The following RUFY2 variants were observed in gnomAD, a reference collection of about 807,000 sequenced individuals.
RUFY2 encodes the protein RUN and FYVE domain-containing protein 2.
Under a neutral mutation model 94.4 loss-of-function variants are expected in RUFY2, and 49 were observed. That is an observed-to-expected ratio of 0.52 (90% CI 0.41 to 0.66). RUFY2 has a LOEUF of 0.66. RUFY2 is among the 30% of genes least tolerant of loss of function. The pLI, the probability that RUFY2 is intolerant of heterozygous loss-of-function variation, is 0.00. For synonymous variants in RUFY2, 255 were observed against 235.7 expected, an observed-to-expected ratio of 1.08 and a Z score of -0.75; for missense variants, 541 against 692.8, an observed-to-expected ratio of 0.78 and a Z score of 2.46.
rs539207975 is a variant in RUFY2 at position 68,344,626 on chromosome 10, G to A, written c.*1142C>T. 47 of 152,784 alleles carry A rather than the reference G, an allele frequency of 3.1e-4. No homozygotes were observed. Among genetic ancestry groups the A allele is most frequent in the African/African-American group, 1.1e-3 (47 of 41,568 alleles). The allele number at this position is 152,784 out of a possible 1,614,324, so 9.5% of individuals were successfully genotyped here. On this transcript the variant is annotated 3_prime_UTR_variant, in exon 18 of 18. Transcript: ENST00000602465. Reference sequence around the variant, plus strand: ...GAGGCAGGAGAATTGCTTGAACCCAGGAGGTGGAGATCGTGCCATTGCACT... The same window carrying A: ...GAGGCAGGAGAATTGCTTGAACCCAAGAGGTGGAGATCGTGCCATTGCACT...
Position 68,381,262 on chromosome 10 carries a change from T to G in RUFY2, c.1077A>C (p.Ala359=). Residue 359 remains alanine, a synonymous_variant, in exon 11 of 18, where the codon GCA becomes GCC. Transcript: ENST00000602465. ...ACTTTTGATACATCTCTATGTTAAT[T>G]GCTTTAACTTCCTCTAGTTGTTGTC... ...GLRQQLEEVK[A]INIEMYQKLQ... 6.2e-7 allele frequency: 1 copy of G among 1,612,952 alleles called. No homozygotes were observed. The highest frequency in any genetic ancestry group is 8.5e-7 in the Non-Finnish European group (1 of 1,179,632).
At position 68,407,186 on chromosome 10, in the gene RUFY2, C is replaced by T. The variant is rs1289119719; in HGVS notation, c.4G>A (p.Ala2Thr). The T allele has an allele frequency of 1.4e-6, 2 of 1,431,390 alleles. No individual in the cohort carries two copies. The highest frequency in any genetic ancestry group is 1.8e-6 in the Non-Finnish European group (2 of 1,106,248). The allele number at this position is 1,431,390 out of a possible 1,614,324, so 88.7% of individuals were successfully genotyped here. A position where few individuals can be genotyped will look rare whatever the true frequency, so the allele number is the denominator to read the frequency against. The change falls in exon 1 of 18, where the codon GCT becomes ACT. Residue 2 changes from alanine to threonine, a missense_variant and splice_region_variant. By Grantham distance (58) the Ala-to-Thr change is moderately conservative (BLOSUM62 0). Around this residue, in one of 3 missense-constraint regions of RUFY2, gnomAD observed 53 missense variants for 58.6 expected, o/e 0.90. Transcript: ENST00000602465. ...TTCGGTTTCGGCCCGCTCGCCTTACCCATGGCGGCGGCGGCTGCGCGGTCT... is the reference window on the plus strand; with the variant it reads ...TTCGGTTTCGGCCCGCTCGCCTTACTCATGGCGGCGGCGGCTGCGCGGTCT... M[A>T]TKDPTAVERA... is the part of the protein sequence containing the mutation.
intron 9 of RUFY2, 36 bp downstream of exon 9, chr10:68,384,015 C>T (rs2049292036): frequency 1.9e-6 from 3 of 1,591,458 alleles, no homozygotes. Context: ...TAATTTCTGA[C>T]ACGAGATTGT....
chr10:68,397,530 G>GCC (rs2050477439), intron 3 of RUFY2, among the ~76,000 whole-genome samples: 1 of 151,010 alleles, frequency 6.6e-6, no homozygotes, highest in African/African-American at 2.4e-5. Flanking sequence ...AGGAGTTAGA[G>GCC]AACAGCCTGG....
chr10:68,366,111 G>C (rs949016618), intron 13 of RUFY2, among the ~76,000 whole-genome samples: 2 of 152,036 alleles, frequency 1.3e-5, no homozygotes, highest in African/African-American at 4.8e-5. Flanking sequence ...CAGATCTCTT[G>C]AGGCCAAGAG....
chr10:68,347,278 C>CTTTTT (rs66465620), intron 16 of RUFY2, among the ~76,000 whole-genome samples: 1 of 86,506 alleles, frequency 1.2e-5, no homozygotes, highest in African/African-American at 4.3e-5. Flanking sequence ...CAACTTGACC[C>CTTTTT]TTTTTTTTTT....
intron 3 of RUFY2, among the ~76,000 whole-genome samples, chr10:68,400,761 C>T (rs1350370932): frequency 1.3e-5 from 2 of 151,734 alleles, no homozygotes; most frequent in African/African-American, 4.8e-5. Context: ...GCCTGTAATC[C>T]CAGCACTTTA....
At position 68,371,223 on chromosome 10, in the gene RUFY2, C is replaced by T. The variant is rs562919459; in HGVS notation, c.1325+5630G>A. Among the ~76,000 whole-genome samples the T allele has an allele frequency of 1.3e-4, 20 of 151,592 alleles. No homozygotes were observed. The East Asian group carries it at 3.9e-3, about 30-fold the overall frequency. ...GTGTGATGGGTCAGGAGTTCAAGACCAAACTGGCTAAGATGGTGAAACCCC... is the reference window on the plus strand; with the variant it reads ...GTGTGATGGGTCAGGAGTTCAAGACTAAACTGGCTAAGATGGTGAAACCCC... On this transcript the variant is annotated intron_variant, in intron 13 of 17. Coordinates refer to ENST00000602465, the MANE Select transcript of RUFY2 (RefSeq NM_001330103.2).
chr10:68,371,678 G>A (rs1415777922), intron 13 of RUFY2, among the ~76,000 whole-genome samples: 4 of 150,750 alleles, frequency 2.7e-5, no homozygotes, highest in African/African-American at 2.4e-5. Context: ...ATCTGAAAAA[G>A]TAATGGCTGA....
rs192467995 is a variant in RUFY2, at chr10:68,362,195, T to C, written c.1550+1395A>G. Among the ~76,000 whole-genome samples the C allele has an allele frequency of 4.6e-5, 7 of 151,926 alleles. No individual in the cohort carries two copies. In the East Asian group the frequency reaches 1.4e-3, roughly 29 times the overall value. ...AAAAAAAATTAGCCAGGTATGGTGG[T>C]GTGCGTCTGTGGTCCCAGCTACTCC... On this transcript the variant is annotated intron_variant, in intron 15 of 17. Transcript: ENST00000602465.
intron 12 of RUFY2, chr10:68,378,430 G>C: frequency 7.8e-7 from 1 of 1,282,214 alleles, no homozygotes; most frequent in Non-Finnish European, 9.8e-7. Context: ...TACCACAGCA[G>C]CTGACCAAGA....
intron 1 of RUFY2, among the ~76,000 whole-genome samples, chr10:68,406,299 GC>G: frequency 6.6e-6 from 1 of 152,138 alleles, no homozygotes; most frequent in East Asian, 1.9e-4. Context: ...AACTGCTATG[GC>G]CAAACTGCCT....
chr10:68,393,257 C>CA (rs11432212), intron 6 of RUFY2, 54 bp from the exon 7 acceptor site: 145,913 of 864,628 alleles, frequency 0.17, 17,769 homozygotes, highest in African/African-American at 0.5. Flanking sequence ...TTATTAAGCA[C>CA]AAAAAAATCT....
intron 3 of RUFY2, among the ~76,000 whole-genome samples, chr10:68,399,942 G>A (rs901262869): frequency 7.2e-5 from 11 of 151,970 alleles, no homozygotes; most frequent in South Asian, 6.2e-4. Context: ...CCACCACACC[G>A]GCTAATTTTG....
Position 68,401,723 on chromosome 10 carries a change from A to G in RUFY2, c.193T>C (p.Leu65=). The change falls in exon 3 of 18, where the codon TTG becomes CTG. Residue 65 remains leucine, a synonymous_variant. Transcript: ENST00000602465. The part of the protein sequence containing the change: ...KHGLKVRKSF[L]SYNKTIWGPL... ...CCCCAGATGGTTTTGTTGTAACTCA[A>G]AAATGATTTTCTTACTGAAAAAAAG... 3.7e-6 allele frequency: 6 copies of G among 1,610,070 alleles called. No individual in the cohort carries two copies. The highest frequency in any genetic ancestry group is 5.1e-6 in the Non-Finnish European group (6 of 1,176,300).
At position 68,357,798 on chromosome 10, in the gene RUFY2, T is replaced by C. The variant is rs78376877; in HGVS notation, c.1551-2397A>G. Reference sequence around the variant, plus strand: ...TTATAGTAAATGGTCACTTGGTATATACCATGAAAAAGAATATAAAATAGT... The same window carrying C: ...TTATAGTAAATGGTCACTTGGTATACACCATGAAAAAGAATATAAAATAGT... On this transcript the variant is annotated intron_variant, in intron 15 of 17. Coordinates refer to ENST00000602465, the MANE Select transcript of RUFY2 (RefSeq NM_001330103.2). 9.7e-3 allele frequency among the ~76,000 whole-genome samples: 1,472 copies of C among 152,312 alleles called. 33 individuals are homozygous for C. The highest frequency in any genetic ancestry group is 0.034 in the African/African-American group (1,415 of 41,570).
At chr10:68,396,908 A>C in intron 3 of RUFY2, 27 bp from the exon 4 acceptor site, 1 of 1,480,462 alleles carries the variant, frequency 6.8e-7, no homozygotes, top group South Asian at 1.1e-5. Flanking sequence ...ATTGATCAGA[A>C]AACAGCCCTA....
Position 68,393,184 on chromosome 10 carries a change from T to C in RUFY2, c.604A>G (p.Ile202Val), listed in dbSNP as rs771715001. The change falls in exon 7 of 18, where the codon ATA (isoleucine) becomes GTA (valine). Residue 202 changes from isoleucine to valine, a missense_variant. Physicochemically the swap from Ile to Val is conservative, Grantham distance 29. This residue lies in a region of RUFY2 where 403 missense variants were observed against 480.7 expected (regional missense o/e 0.84). Coordinates refer to ENST00000602465, the MANE Select transcript of RUFY2 (RefSeq NM_001330103.2). ...NKERNVQIAA[I>V]LDQKNYVEEL... ...TCAACATAATTCTTTTGGTCTAATA[T>C]GGCAGCAATTTGAACATTCCTAAAT... 5.1e-6 allele frequency: 8 copies of C among 1,561,064 alleles called. No homozygotes were observed. Among genetic ancestry groups the C allele is most frequent in the South Asian group, 1.2e-5 (1 of 86,638 alleles).
chr10:68,406,207 T>C (rs1477851479), intron 1 of RUFY2, among the ~76,000 whole-genome samples: 1 of 152,018 alleles, frequency 6.6e-6, no homozygotes, highest in Non-Finnish European at 1.5e-5. Flanking sequence ...TCCAATGATC[T>C]AGTATTCCAG....
Sources: gnomAD v4.1 joint callset for allele counts (sites outside exome capture counted in the v4.1 genomes callset) on GRCh38, gnomAD v4.1.1 for gene constraint, gnomAD v4.1.1 regional missense constraint, MANE v1.5 for transcripts, NCBI Gene and HGNC (gene_info 2026-07-23, HGNC 2026-07-21) for gene names.